The following EPG5 variants were observed in gnomAD, a reference collection of about 807,000 sequenced individuals.
EPG5 encodes ectopic P-granules 5 autophagy tethering factor.
Under a neutral mutation model 302.7 loss-of-function variants are expected in EPG5, and 159 were observed. The observed-to-expected ratio is 0.53, with a 90% CI of 0.46 to 0.60. The LOEUF (loss-of-function observed/expected upper bound fraction) is 0.60, where lower values mean the gene tolerates loss of function less well. EPG5 is among the 20% of genes least tolerant of loss of function. The probability of loss-of-function intolerance (pLI) is 0.00; values close to 1 mark genes in which losing one functional copy is unlikely to be tolerated. For missense variants in EPG5, 2,896 were observed against 3,092.4 expected (o/e 0.94, Z 1.51); for synonymous variants, 1,158 against 1,136.8 (o/e 1.02, Z -0.37).
At chr18:45,837,159 T>A in the EPG5 span, 1 of 1,589,136 alleles carries the variant, frequency 6.3e-7, no homozygotes, top group African/African-American at 1.4e-5. Context: ...ATCCCAGGGT[T>A]TTTCCACAGG....
In EPG5 at chr18:45,918,403, C is replaced by T. The variant is rs10451386; in HGVS notation, c.3099-584G>A. On this transcript the variant is annotated intron_variant, in intron 16 of 43. Coordinates refer to ENST00000282041, the MANE Select transcript of EPG5 (RefSeq NM_020964.3). ...TTCCTTTGAGTGCAATGTCAGAACT[C>T]AAAGTTTCAGATTTTGGAGCATTTC... Among the ~76,000 whole-genome samples the T allele has an allele frequency of 8.4e-3, 1,275 of 152,244 alleles. 17 individuals are homozygous for T. Among genetic ancestry groups the T allele is most frequent in the African/African-American group, 0.029 (1,187 of 41,560 alleles).
Position 45,934,936 on chromosome 18 carries a change from C to A in EPG5, c.2130G>T (p.Met710Ile), listed in dbSNP as rs1275322556. The A allele has an allele frequency of 6.2e-7, 1 of 1,612,674 alleles. No individual in the cohort carries two copies. Among genetic ancestry groups the A allele is most frequent in the East Asian group, 2.2e-5 (1 of 44,866 alleles). ...TTTGCACAGACAGAGTCCCAAAGGG[C>A]ATCTCGGACATAAACAGCCAAATGC... ...RLGIWLFMSE[M>I]PFGTLSVQML... Residue 710 changes from methionine to isoleucine, a missense_variant, in exon 11 of 44, where the codon ATG becomes ATT. Transcript: ENST00000282041.
the EPG5 span, chr18:45,838,875 C>T: frequency 6.3e-7 from 1 of 1,589,290 alleles, no homozygotes; most frequent in South Asian, 1.1e-5. Flanking sequence ...GTGAGGGTCA[C>T]GGCCACCTAG....
chr18:45,966,800 C>T (rs1210458993), intron 1 of EPG5, among the ~76,000 whole-genome samples: 1 of 152,078 alleles, frequency 6.6e-6, no homozygotes, highest in Non-Finnish European at 1.5e-5. Flanking sequence ...TTATGCATGG[C>T]AGGGACTAAA....
At chr18:45,926,879 G>A (rs1001578335) in intron 13 of EPG5, among the ~76,000 whole-genome samples, 1 of 151,338 alleles carries the variant, frequency 6.6e-6, no homozygotes, top group African/African-American at 2.4e-5. Context: ...AGCTCAAACT[G>A]AAAGAATCAT....
chr18:45,947,105 G>A (rs552892086), intron 6 of EPG5, among the ~76,000 whole-genome samples: 1 of 152,146 alleles, frequency 6.6e-6, no homozygotes, highest in East Asian at 1.9e-4. Context: ...TAGCAACTAT[G>A]AGTTACTGAA....
At chr18:45,934,631 T>C (rs2050476601) in intron 11 of EPG5, among the ~76,000 whole-genome samples, 178 bp downstream of exon 11, 1 of 152,250 alleles carries the variant, frequency 6.6e-6, no homozygotes, top group Non-Finnish European at 1.5e-5. Context: ...TCAGATATGC[T>C]AGTTGCTATT....
At chr18:45,921,403 A>G (rs2050152126) in intron 16 of EPG5, among the ~76,000 whole-genome samples, 1 of 151,614 alleles carries the variant, frequency 6.6e-6, no homozygotes, top group African/African-American at 2.4e-5. Context: ...ATGCATAAGA[A>G]AAGAATCTTT....
At chr18:45,831,743 C>CTTTTTTT in the EPG5 span, among the ~76,000 whole-genome samples, 2 of 146,754 alleles carry the variant, frequency 1.4e-5, no homozygotes, top group African/African-American at 5.0e-5. Context: ...GTACCAACAT[C>CTTTTTTT]TTTTTTTTTT....
At chr18:45,912,879 A>C (rs1455076249) in intron 21 of EPG5, among the ~76,000 whole-genome samples, 1 of 152,170 alleles carries the variant, frequency 6.6e-6, no homozygotes, top group South Asian at 2.1e-4. Context: ...CTTCAGGTCA[A>C]GAGTTCAAGA....
At chr18:45,892,216 C>A (rs987736055) in intron 27 of EPG5, among the ~76,000 whole-genome samples, 9 of 151,798 alleles carry the variant, frequency 5.9e-5, no homozygotes, top group African/African-American at 2.2e-4. Flanking sequence ...TCACAAAAAA[C>A]ATCCCCAAAT....
In EPG5 at chr18:45,916,549, C is replaced by T; in HGVS notation, c.3273G>A (p.Leu1091=). The T allele has an allele frequency of 6.2e-7, 1 of 1,609,564 alleles. No homozygotes were observed. The change falls in exon 18 of 44, where the codon TTG becomes TTA. Residue 1091 remains leucine (L), a synonymous_variant. Coordinates refer to ENST00000282041, the MANE Select transcript of EPG5 (RefSeq NM_020964.3). ...FLSHLLLFLH[L]DSGVPQGVTQ... ...TGACACCCTGAGGGACACCGCTGTC[C>T]AAGTGTAGGAACAAGAGGAGATGCG...
chr18:45,912,053 T>C (rs2049915801), intron 22 of EPG5, among the ~76,000 whole-genome samples: 1 of 152,070 alleles, frequency 6.6e-6, no homozygotes, highest in Non-Finnish European at 1.5e-5. Flanking sequence ...AATCCCAGGG[T>C]GTTGTCTTTA....
the EPG5 span, among the ~76,000 whole-genome samples, chr18:45,828,115 G>A: frequency 8.9e-4 from 136 of 152,292 alleles, no homozygotes; most frequent in African/African-American, 3.1e-3. Flanking sequence ...TCCAGGCCAC[G>A]GCCTGGGCAG....
At chr18:45,858,253 G>A (rs1460122536) in intron 41 of EPG5, among the ~76,000 whole-genome samples, 185 bp from the exon 42 acceptor site, 3 of 152,250 alleles carry the variant, frequency 2.0e-5, no homozygotes, top group Admixed American at 6.5e-5. Flanking sequence ...CCTACTACAC[G>A]CCACTGTGAT....
At chr18:45,873,268 T>C (rs2048908048) in intron 35 of EPG5, among the ~76,000 whole-genome samples, 1 of 152,168 alleles carries the variant, frequency 6.6e-6, no homozygotes, top group Non-Finnish European at 1.5e-5. Context: ...TCCCAGCACT[T>C]TGGGAGGCCA....
intron 1 of EPG5, among the ~76,000 whole-genome samples, chr18:45,958,573 T>C (rs547252773): frequency 2.0e-5 from 3 of 152,236 alleles, no homozygotes; most frequent in South Asian, 4.1e-4. Context: ...ATGGGGAAAT[T>C]TGAACAAATG....
At chr18:45,911,074 TCTATACAC>T (rs1412076902) in intron 22 of EPG5, among the ~76,000 whole-genome samples, 1 of 126,784 alleles carries the variant, frequency 7.9e-6, no homozygotes, top group African/African-American at 3.1e-5. Flanking sequence ...TATCTATCTA[TCTATACAC>T]ACACACACAC....
intron 28 of EPG5, among the ~76,000 whole-genome samples, chr18:45,889,354 T>C (rs188513072): frequency 6.6e-6 from 1 of 152,254 alleles, no homozygotes; most frequent in East Asian, 1.9e-4. Flanking sequence ...AATTGTGCTA[T>C]GAACTTTGTT....
Sources: allele counts gnomAD v4.1 joint callset (sites outside exome capture counted in the v4.1 genomes callset), GRCh38; gene constraint gnomAD v4.1.1; transcripts MANE v1.5; gene names NCBI Gene and HGNC (gene_info 2026-07-23, HGNC 2026-07-21).